Variants in RABEP1 observed in about 807,000 individuals in gnomAD.
RABEP1 encodes rabaptin, RAB GTPase binding effector protein 1.
Under a neutral mutation model 123.4 loss-of-function variants are expected in RABEP1, and 51 were observed. The observed-to-expected ratio is 0.41, with a 90% CI of 0.33 to 0.52. RABEP1 has a LOEUF of 0.52. Ranked by LOEUF, RABEP1 falls within the 20% of genes least tolerant of loss-of-function variation. The pLI is 0.16. For missense variants in RABEP1, 888 were observed against 996.3 expected (o/e 0.89, Z 1.46); for synonymous variants, 347 against 355.2 (o/e 0.98, Z 0.26).
rs1567522070 is a variant in RABEP1, at chr17:5,323,761, T to TATATATATATCTAGGA, written c.164-8178_164-8177insCTAGGAATATATATAT. ...CTAGGAATATATATATATCTAGGAATATATATATATATCTAGGAATATATA... is the reference window on the plus strand; with the variant it reads ...CTAGGAATATATATATATCTAGGAATATATATATATCTAGGAATATATATATATCTAGGAATATATA... On this transcript the variant is annotated intron_variant, in intron 2 of 17. Transcript: ENST00000537505. Among the ~76,000 whole-genome samples the TATATATATATCTAGGA allele has an allele frequency of 2.2e-3, 150 of 67,608 alleles. 12 individuals are homozygous for TATATATATATCTAGGA. Among genetic ancestry groups the TATATATATATCTAGGA allele is most frequent in the African/African-American group, 3.0e-3 (52 of 17,348 alleles). 44.4% of individuals were successfully genotyped at this position (67,608 alleles called of 152,430 possible).
intron 10 of RABEP1, 113 bp downstream of exon 10, chr17:5,363,129 C>T: frequency 1.3e-6 from 1 of 753,760 alleles, no homozygotes; most frequent in Non-Finnish European, 2.3e-6. Flanking sequence ...GCATATCCAT[C>T]TTGTTAAGTT....
At chr17:5,365,390 G>C in intron 11 of RABEP1, 152 bp downstream of exon 11, 1 of 486,110 alleles carries the variant, frequency 2.1e-6, no homozygotes, top group Non-Finnish European at 3.6e-6. Context: ...ATCATTCTGT[G>C]ATCTCTGTTT....
At chr17:5,323,765 T>TACATATCTAGGA (rs1905652017) in intron 2 of RABEP1, among the ~76,000 whole-genome samples, 1 of 127,916 alleles carries the variant, frequency 7.8e-6, no homozygotes, top group Non-Finnish European at 1.6e-5. Flanking sequence ...TAGGAATATA[T>TACATATCTAGGA]ATATATATCT....
At position 5,350,477 on chromosome 17, in the gene RABEP1, C is replaced by A; in HGVS notation, c.811C>A (p.Gln271Lys). 2 of 1,613,620 alleles carry A rather than the reference C, an allele frequency of 1.2e-6. No individual in the cohort carries two copies. The highest frequency in any genetic ancestry group is 1.7e-6 in the Non-Finnish European group (2 of 1,179,858). The change falls in exon 7 of 18, where the codon CAA becomes AAA. Residue 271 changes from glutamine to lysine, a missense_variant. Coordinates refer to ENST00000537505, the MANE Select transcript of RABEP1 (RefSeq NM_004703.6). Reference sequence around the variant, plus strand: ...TTGCCATCTCTTGGAGCAAGAGCGACAACAACACAACCAGTTAAAACATAC... The same window carrying A: ...TTGCCATCTCTTGGAGCAAGAGCGAAAACAACACAACCAGTTAAAACATAC... ...EVCHLLEQER[Q>K]QHNQLKHTWQ...
intron 2 of RABEP1, among the ~76,000 whole-genome samples, chr17:5,316,095 G>A (rs2075292348): frequency 6.6e-6 from 1 of 152,076 alleles, no homozygotes; most frequent in African/African-American, 2.4e-5. Flanking sequence ...AAGAGTGAGG[G>A]CAAAATAGAT....
intron 12 of RABEP1, among the ~76,000 whole-genome samples, chr17:5,368,891 G>A (rs964717311): frequency 7.9e-5 from 12 of 152,176 alleles, no homozygotes; most frequent in South Asian, 2.1e-4. Context: ...GGTGGATCAC[G>A]AGGTCAGGAG....
At chr17:5,341,334 G>A (rs964606034) in intron 5 of RABEP1, among the ~76,000 whole-genome samples, 2 of 152,024 alleles carry the variant, frequency 1.3e-5, no homozygotes, top group Non-Finnish European at 2.9e-5. Context: ...ACTATAAACT[G>A]TCACACAAAT....
intron 1 of RABEP1, among the ~76,000 whole-genome samples, chr17:5,282,853 G>T (rs1054722454): frequency 6.6e-6 from 1 of 151,886 alleles, no homozygotes; most frequent in South Asian, 2.1e-4. Context: ...GCCCGTGGGG[G>T]AGGATGGAAA....
intron 1 of RABEP1, chr17:5,283,866 T>C (rs1323719403): frequency 6.6e-6 from 1 of 152,256 alleles, no homozygotes; most frequent in African/African-American, 2.4e-5. Context: ...AGAACCTGCT[T>C]TGCTGTTTCT....
At chr17:5,324,084 A>G (rs1364421056) in intron 2 of RABEP1, among the ~76,000 whole-genome samples, 1 of 152,058 alleles carries the variant, frequency 6.6e-6, no homozygotes, top group African/African-American at 2.4e-5. Context: ...AAACAGAAAA[A>G]TCTTAAAATT....
chr17:5,338,336 C>T (rs909229725), intron 5 of RABEP1, among the ~76,000 whole-genome samples, 198 bp downstream of exon 5: 3 of 151,872 alleles, frequency 2.0e-5, no homozygotes, highest in African/African-American at 7.3e-5. Context: ...CTGAGGCGGG[C>T]GGATCACCTG....
intron 2 of RABEP1, among the ~76,000 whole-genome samples, chr17:5,314,958 C>T (rs1028552093): frequency 3.9e-5 from 6 of 152,130 alleles, no homozygotes; most frequent in African/African-American, 9.7e-5. Context: ...GAGTAAGAGA[C>T]GGTTACGTGA....
intron 1 of RABEP1, among the ~76,000 whole-genome samples, chr17:5,285,940 T>C (rs2074973553): frequency 6.6e-6 from 1 of 152,228 alleles, no homozygotes; most frequent in South Asian, 2.1e-4. Context: ...GTTTTCAAAT[T>C]TTAATTATTT....
chr17:5,381,517 G>T lies in RABEP1; in HGVS notation c.2487+12G>T. 1 of 1,611,266 alleles carries T rather than the reference G, an allele frequency of 6.2e-7. No homozygotes were observed. Among genetic ancestry groups the T allele is most frequent in the South Asian group, 1.1e-5 (1 of 90,416 alleles). On this transcript the variant is annotated intron_variant, in intron 17 of 17. Transcript: ENST00000537505. ...CACAGACCCTTCAGGTGAGGCATTT[G>T]GGGAACCACATACAGAGCACGAAGG...
chr17:5,301,934 A>G (rs2075138413), intron 1 of RABEP1, among the ~76,000 whole-genome samples: 1 of 152,186 alleles, frequency 6.6e-6, no homozygotes, highest in South Asian at 2.1e-4. Flanking sequence ...GGGTTGTGGC[A>G]AAAAAGCTAG....
In RABEP1 at chr17:5,316,789, C is replaced by T. The variant is rs1370276905; in HGVS notation, c.163+7967C>T. Among the ~76,000 whole-genome samples, 7 of 131,064 alleles carry T rather than the reference C, an allele frequency of 5.3e-5. No homozygotes were observed. In the East Asian group the frequency reaches 7.1e-4, roughly 13 times the overall value. The allele number at this position is 131,064 out of a possible 152,430, so 86.0% of individuals were successfully genotyped here. On this transcript the variant is annotated intron_variant, in intron 2 of 17. Coordinates refer to ENST00000537505, the MANE Select transcript of RABEP1 (RefSeq NM_004703.6). ...CAGAGTTTGCAGTGAACTGAGATCGCGCTACTGCACTCCAGCCTCGGTGAC... is the reference window on the plus strand; with the variant it reads ...CAGAGTTTGCAGTGAACTGAGATCGTGCTACTGCACTCCAGCCTCGGTGAC...
chr17:5,359,267 G>C (rs1376127256), intron 8 of RABEP1, among the ~76,000 whole-genome samples: 1 of 151,904 alleles, frequency 6.6e-6, no homozygotes, highest in Non-Finnish European at 1.5e-5. Flanking sequence ...ATAGAGACGG[G>C]GTTTCACCAT....
At chr17:5,311,795 C>A (rs1391959019) in intron 2 of RABEP1, among the ~76,000 whole-genome samples, 1 of 150,268 alleles carries the variant, frequency 6.7e-6, no homozygotes, top group Non-Finnish European at 1.5e-5. Context: ...CTCATTAAAT[C>A]GTTAATCTCT....
Position 5,385,783 on chromosome 17 carries a change from T to G in RABEP1, c.*2560T>G. ...AAGGTGTGTCCTCAAGAAGAAAGTG[T>G]TCAAATTAAAAAAGCTGCTGCCAAG... is the stretch of plus-strand genomic sequence containing the variant. On this transcript the variant is annotated 3_prime_UTR_variant, in exon 18 of 18. Coordinates refer to ENST00000537505, the MANE Select transcript of RABEP1 (RefSeq NM_004703.6). 4.2e-6 allele frequency: 1 copy of G among 235,972 alleles called. No homozygotes were observed. The highest frequency in any genetic ancestry group is 2.2e-5 in the African/African-American group (1 of 45,534). 14.6% of individuals were successfully genotyped at this position (235,972 alleles called of 1,614,324 possible).
Sources: allele counts gnomAD v4.1 joint callset (sites outside exome capture counted in the v4.1 genomes callset), GRCh38; gene constraint gnomAD v4.1.1; transcripts MANE v1.5; gene names NCBI Gene and HGNC (gene_info 2026-07-23, HGNC 2026-07-21).